The following NEXMIF variants were observed in gnomAD, a reference collection of about 807,000 sequenced individuals.
NEXMIF encodes the protein neurite extension and migration factor.
NEXMIF carries 8 observed loss-of-function variants against 62.1 expected under a neutral mutation model. The observed-to-expected ratio is 0.13, with a 90% CI of 0.08 to 0.23. The LOEUF (loss-of-function observed/expected upper bound fraction) is 0.23. Among genes scored for constraint, NEXMIF ranks in the 10% least tolerant of loss-of-function variants. The probability of loss-of-function intolerance (pLI) is 1.00; values close to 1 mark genes in which losing one functional copy is unlikely to be tolerated. For missense variants in NEXMIF, 976 were observed against 1,113.3 expected (o/e 0.88, Z 1.75); for synonymous variants, 404 against 416.6 (o/e 0.97, Z 0.37).
intron 3 of NEXMIF, 38 bp downstream of exon 3, chrX:74,740,062 A>G (rs773239249): frequency 8.6e-7 from 1 of 1,162,639 alleles, no homozygotes; most frequent in South Asian, 1.9e-5. Context: ...TAGGAGAGCT[A>G]AGGGTGCATC....
rs182896160 is a variant in NEXMIF, at chrX:74,733,091, C to T, written c.*6314G>A. Reference sequence around the variant, plus strand: ...ACATGCACACAAAACACCTAGGGATCTTGTTAAAATTCAGATTCTCATTCA... The same window carrying T: ...ACATGCACACAAAACACCTAGGGATTTTGTTAAAATTCAGATTCTCATTCA... On this transcript the variant is annotated 3_prime_UTR_variant, in exon 4 of 4. Transcript: ENST00000055682. The T allele has an allele frequency of 2.0e-4, 22 of 111,893 alleles. No individual in the cohort carries two copies. The Admixed American group carries it at 2.1e-3, about 11-fold the overall frequency. The allele number at this position is 111,893 out of a possible 1,213,427, so 9.2% of individuals were successfully genotyped here.
rs1175653711 is a variant in NEXMIF, at chrX:74,742,559, T to G, written c.1998A>C (p.Lys666Asn). 8.3e-7 allele frequency: 1 copy of G among 1,209,707 alleles called. No homozygotes were observed. The highest frequency in any genetic ancestry group is 1.1e-6 in the Non-Finnish European group (1 of 894,485). Residue 666 changes from lysine to asparagine, a missense_variant, in exon 3 of 4, where the codon AAA (lysine) becomes AAC (asparagine). By Grantham distance (94) the Lys-to-Asn change is moderately conservative. This residue lies in a region of NEXMIF where 639 missense variants were observed against 694.5 expected (regional missense o/e 0.92). Coordinates refer to ENST00000055682, the MANE Select transcript of NEXMIF (RefSeq NM_001008537.3). The stretch of plus-strand genomic sequence containing the variant: ...GTGTACCTTTTAGGCCTCCATCTTC[T>G]TTATGATTACTAGCGTGCCTCTGAT... ...CNDQRHASNH[K>N]EDGGLKGTLK... is the part of the protein sequence containing the mutation.
chrX:74,839,315 T>C (rs1360508067), intron 1 of NEXMIF, among the ~76,000 whole-genome samples: 1 of 111,884 alleles, frequency 8.9e-6, no homozygotes, highest in Non-Finnish European at 1.9e-5. Flanking sequence ...CCTAGAGATA[T>C]GAGAGAAATA....
intron 1 of NEXMIF, among the ~76,000 whole-genome samples, chrX:74,756,180 C>G (rs2080158701): frequency 9.0e-6 from 1 of 111,430 alleles, no homozygotes; most frequent in Admixed American, 9.5e-5. Flanking sequence ...TCAGGCTGGT[C>G]TCCAACTCCT....
intron 1 of NEXMIF, among the ~76,000 whole-genome samples, chrX:74,812,111 C>T (rs752579620): frequency 8.9e-6 from 1 of 112,877 alleles, no homozygotes; most frequent in Non-Finnish European, 1.9e-5. Context: ...CAGAATTGGA[C>T]TCTGAGAATA....
rs1396460338 is a variant in NEXMIF, at chrX:74,919,183, T to A, written c.-48+5700A>T. ...AAGTTAGAGCAGCCATTTTCCAGCA[T>A]GCAGACATCACCTCTTTATGTGCAT... On this transcript the variant is annotated intron_variant, in intron 1 of 3. Transcript: ENST00000055682. Among the ~76,000 whole-genome samples, 3 of 111,872 alleles carry A rather than the reference T, an allele frequency of 2.7e-5. No individual in the cohort carries two copies. In the East Asian group the frequency reaches 8.4e-4, roughly 31 times the overall value.
chrX:74,905,686 T>C (rs749082901), intron 1 of NEXMIF, among the ~76,000 whole-genome samples: 20 of 110,325 alleles, frequency 1.8e-4, no homozygotes, highest in African/African-American at 6.6e-4. Context: ...GGCGGGTGCC[T>C]GTAATCCCAG....
intron 1 of NEXMIF, among the ~76,000 whole-genome samples, chrX:74,776,451 C>T (rs1227790970): frequency 9.0e-6 from 1 of 111,152 alleles, no homozygotes; most frequent in South Asian, 3.8e-4. Flanking sequence ...CTTGGCCGGG[C>T]GCGGTGGCTC....
At chrX:74,786,175 C>A (rs1163783008) in intron 1 of NEXMIF, among the ~76,000 whole-genome samples, 11 of 111,586 alleles carry the variant, frequency 9.9e-5, no homozygotes, top group Non-Finnish European at 1.1e-4. Context: ...CAATCTTATC[C>A]TTGGCAATGG....
At chrX:74,791,184 G>T (rs1487119187) in intron 1 of NEXMIF, among the ~76,000 whole-genome samples, 22 of 111,766 alleles carry the variant, frequency 2.0e-4, no homozygotes, top group African/African-American at 7.2e-4. Flanking sequence ...TTTTTAGCGT[G>T]AATGGTTGTT....
intron 1 of NEXMIF, among the ~76,000 whole-genome samples, chrX:74,914,845 C>G (rs2080801388): frequency 8.9e-6 from 1 of 112,298 alleles, no homozygotes; most frequent in Non-Finnish European, 1.9e-5. Context: ...CCATGTAATA[C>G]TGTTCAACAG....
intron 1 of NEXMIF, among the ~76,000 whole-genome samples, chrX:74,802,021 T>C (rs1279847977): frequency 1.8e-5 from 2 of 111,876 alleles, no homozygotes; most frequent in South Asian, 3.7e-4. Flanking sequence ...ATCTTGTGAT[T>C]TGAGTGCCAG....
At chrX:74,921,014 A>T (rs1036128963) in intron 1 of NEXMIF, among the ~76,000 whole-genome samples, 1 of 111,948 alleles carries the variant, frequency 8.9e-6, no homozygotes, top group Non-Finnish European at 1.9e-5. Context: ...CATCAAAATT[A>T]TCACACTGGG....
At chrX:74,807,153 A>T (rs754412160) in intron 1 of NEXMIF, among the ~76,000 whole-genome samples, 4 of 112,424 alleles carry the variant, frequency 3.6e-5, no homozygotes, top group Admixed American at 9.4e-5. Flanking sequence ...TCTTGACAAC[A>T]TCGAGTCTTT....
chrX:74,759,717 T>C (rs912525193), intron 1 of NEXMIF, among the ~76,000 whole-genome samples: 6 of 111,397 alleles, frequency 5.4e-5, no homozygotes, highest in African/African-American at 2.0e-4. Flanking sequence ...GCCTTACTTC[T>C]GGACTCCCTT....
chrX:74,850,744 A>T (rs1288096395), intron 1 of NEXMIF, among the ~76,000 whole-genome samples: 5 of 111,277 alleles, frequency 4.5e-5, no homozygotes, highest in Non-Finnish European at 9.4e-5. Flanking sequence ...AGAAAATCCA[A>T]AATTTTGGAA....
At chrX:74,776,760 A>C (rs2080230050) in intron 1 of NEXMIF, among the ~76,000 whole-genome samples, 1 of 107,507 alleles carries the variant, frequency 9.3e-6, no homozygotes, top group African/African-American at 3.4e-5. Context: ...CAAAAAAAGG[A>C]AGTAGGATTA....
At chrX:74,749,209 G>C (rs990942589) in intron 1 of NEXMIF, among the ~76,000 whole-genome samples, 7 of 111,021 alleles carry the variant, frequency 6.3e-5, no homozygotes, top group African/African-American at 1.3e-4. Context: ...ATTTGGGAAG[G>C]CTTCACTAAA....
intron 1 of NEXMIF, among the ~76,000 whole-genome samples, chrX:74,810,537 TC>T (rs2080357095): frequency 9.3e-6 from 1 of 107,696 alleles, no homozygotes; most frequent in Admixed American, 1.0e-4. Context: ...ACGCTTGTAA[TC>T]CCAGCTCTTT....
Sources: gnomAD v4.1 joint callset for allele counts (sites outside exome capture counted in the v4.1 genomes callset) on GRCh38, gnomAD v4.1.1 for gene constraint, gnomAD v4.1.1 regional missense constraint, MANE v1.5 for transcripts, NCBI Gene and HGNC (gene_info 2026-07-23, HGNC 2026-07-21) for gene names.